TRDN: variants seen among roughly 807,000 people sequenced by gnomAD.
The protein encoded by TRDN is triadin.
A neutral mutation model predicts 149.7 loss-of-function variants in TRDN; 161 were observed. That is an observed-to-expected ratio of 1.08 (90% CI 0.95 to 1.23). The LOEUF is 1.23. Among genes scored for constraint, TRDN ranks in the 50% most tolerant of loss-of-function variants. TRDN has a pLI of 0.00. For synonymous variants in TRDN, 294 were observed against 250.5 expected (o/e 1.17, Z -1.64); for missense variants, 896 against 823.5 (o/e 1.09, Z -1.08).
intron 10 of TRDN, chr6:123,442,007 A>G (rs561593139): frequency 1.3e-5 from 2 of 152,340 alleles, no homozygotes; most frequent in African/African-American, 4.8e-5. Context: ...TTAGAGTGGC[A>G]GAGATTGGCC....
chr6:123,241,805 A>T (rs142729539), intron 38 of TRDN, among the ~76,000 whole-genome samples: 1 of 152,194 alleles, frequency 6.6e-6, no homozygotes, highest in Admixed American at 6.6e-5. Context: ...ATGATCTCAC[A>T]ACTTGGTGCA....
At chr6:123,382,600 T>C (rs1200347559) in intron 14 of TRDN, among the ~76,000 whole-genome samples, 2 of 151,958 alleles carry the variant, frequency 1.3e-5, no homozygotes, top group Non-Finnish European at 2.9e-5. Context: ...TGTTGCACTG[T>C]CTTTGAATAA....
chr6:123,586,058 G>A (rs1299180763), intron 1 of TRDN, among the ~76,000 whole-genome samples: 1 of 152,178 alleles, frequency 6.6e-6, no homozygotes, highest in South Asian at 2.1e-4. Context: ...GTGTCTCAGG[G>A]TTGCTGCCAA....
At chr6:123,303,606 AC>A (rs1778507473) in intron 24 of TRDN, among the ~76,000 whole-genome samples, 2 of 152,148 alleles carry the variant, frequency 1.3e-5, no homozygotes, top group South Asian at 4.1e-4. Flanking sequence ...TCAGTGAGGG[AC>A]TGAGTGAAAG....
intron 22 of TRDN, among the ~76,000 whole-genome samples, chr6:123,334,409 G>T (rs1257222940): frequency 6.6e-6 from 1 of 152,030 alleles, no homozygotes; most frequent in Non-Finnish European, 1.5e-5. Flanking sequence ...TAACTACTGT[G>T]TTGCCTCTTT....
In TRDN at chr6:123,529,442, C is replaced by T. The variant is rs554090206; in HGVS notation, c.484+1064G>A. On this transcript the variant is annotated intron_variant, in intron 5 of 40. Coordinates refer to ENST00000334268, the MANE Select transcript of TRDN (RefSeq NM_006073.4). ...TTGGCTGACCAATCTAGAATGAATT[C>T]AAACATTAGGATTAAAGACATAATA... 69 of 1,207,898 alleles carry T rather than the reference C, an allele frequency of 5.7e-5. No homozygotes were observed. The African/African-American group carries it at 8.6e-4, about 15-fold the overall frequency. The allele number at this position is 1,207,898 out of a possible 1,614,324, so 74.8% of individuals were successfully genotyped here.
rs1775406604 is a variant in TRDN at position 123,227,137 on chromosome 6, G to C, written c.1976-3006C>G. Among the ~76,000 whole-genome samples the C allele has an allele frequency of 2.0e-5, 3 of 151,794 alleles. No individual in the cohort carries two copies. The South Asian group carries it at 6.2e-4, about 31-fold the overall frequency. ...TGCTCAAGAGACAAATAATGTTTTA[G>C]AGATGTACTTGGTAGAAATAAATAA... On this transcript the variant is annotated intron_variant, in intron 38 of 40. Coordinates refer to ENST00000334268, the MANE Select transcript of TRDN (RefSeq NM_006073.4).
chr6:123,293,128 G>A (rs887278736), intron 24 of TRDN, among the ~76,000 whole-genome samples: 10 of 152,034 alleles, frequency 6.6e-5, no homozygotes, highest in African/African-American at 2.4e-4. Context: ...AACATTCCCA[G>A]GCTAGAGAGG....
At chr6:123,550,456 G>A (rs1026269644) in intron 2 of TRDN, among the ~76,000 whole-genome samples, 1 of 152,082 alleles carries the variant, frequency 6.6e-6, no homozygotes, top group African/African-American at 2.4e-5. Flanking sequence ...ATTGGATGAC[G>A]AGGATGTCAC....
intron 9 of TRDN, among the ~76,000 whole-genome samples, chr6:123,472,279 G>A (rs1430835090): frequency 6.6e-6 from 1 of 152,188 alleles, no homozygotes; most frequent in Non-Finnish European, 1.5e-5. Context: ...GAAGTGCAAG[G>A]GGTCAGGGAG....
chr6:123,608,252 T>G (rs1373663595), intron 1 of TRDN, among the ~76,000 whole-genome samples: 1 of 152,162 alleles, frequency 6.6e-6, no homozygotes, highest in Non-Finnish European at 1.5e-5. Flanking sequence ...GTTCCTTATC[T>G]TTAAGTTTCA....
chr6:123,421,968 C>CA (rs796375837), intron 12 of TRDN, among the ~76,000 whole-genome samples: 14 of 150,492 alleles, frequency 9.3e-5, no homozygotes, highest in African/African-American at 2.2e-4. Context: ...GGTCACATCT[C>CA]AAAAAAAAGA....
intron 9 of TRDN, 98 bp downstream of exon 9, chr6:123,497,095 T>C: frequency 1.1e-6 from 1 of 937,350 alleles, no homozygotes. Context: ...CATTATGCAA[T>C]TTTTAAAAAA....
chr6:123,372,707 T>C (rs368822017), intron 19 of TRDN, among the ~76,000 whole-genome samples: 1 of 152,146 alleles, frequency 6.6e-6, no homozygotes, highest in East Asian at 1.9e-4. Context: ...ATGTCTACTA[T>C]ATTTCTTCTT....
At chr6:123,356,332 T>C (rs542653470) in intron 20 of TRDN, among the ~76,000 whole-genome samples, 1 of 151,448 alleles carries the variant, frequency 6.6e-6, no homozygotes, top group African/African-American at 2.4e-5. Context: ...CTATGATGAA[T>C]ATAGTTTCCT....
At chr6:123,283,985 C>CATATAGATATATATATATATATATATAT (rs1777701115) in intron 24 of TRDN, among the ~76,000 whole-genome samples, 1 of 57,220 alleles carries the variant, frequency 1.7e-5, no homozygotes, top group African/African-American at 9.4e-5. Flanking sequence ...CAACATGGCA[C>CATATAGATATATATATATATATATATAT]ATATATATAT....
rs529179475 is a variant in TRDN, at chr6:123,499,898, A to G, written c.794-2646T>C. Among the ~76,000 whole-genome samples, 21 of 151,044 alleles carry G rather than the reference A, an allele frequency of 1.4e-4. 1 individual carries two copies. In the South Asian group the frequency reaches 4.4e-3, roughly 32 times the overall value. On this transcript the variant is annotated intron_variant, in intron 8 of 40. Coordinates refer to ENST00000334268, the MANE Select transcript of TRDN (RefSeq NM_006073.4). ...AATCTAGAGATGATTTAATGTATAC[A>G]AGAGGATGTGTATAGGTTATATGCA...
At chr6:123,609,779 C>T (rs564719077) in intron 1 of TRDN, among the ~76,000 whole-genome samples, 5 of 152,146 alleles carry the variant, frequency 3.3e-5, no homozygotes, top group African/African-American at 9.6e-5. Context: ...CATGATATTG[C>T]GTGCATGAAT....
At chr6:123,438,889 T>C (rs1774729010) in intron 11 of TRDN, 55 bp downstream of exon 11, 3 of 1,342,322 alleles carry the variant, frequency 2.2e-6, no homozygotes, top group Non-Finnish European at 3.1e-6. Flanking sequence ...TTACCAGTAG[T>C]ATTATGCATG....
Sources: gnomAD v4.1 joint callset for allele counts (sites outside exome capture counted in the v4.1 genomes callset) on GRCh38, gnomAD v4.1.1 for gene constraint, MANE v1.5 for transcripts, NCBI Gene and HGNC (gene_info 2026-07-23, HGNC 2026-07-21) for gene names.